DGKB: variants seen among roughly 807,000 people sequenced by gnomAD.
The protein encoded by DGKB is diacylglycerol kinase beta, also known as 90 kDa diacylglycerol kinase.
A neutral mutation model predicts 114.3 loss-of-function variants in DGKB; 67 were observed. The ratio of observed to expected loss-of-function variants is 0.59; its 90% CI spans 0.48 to 0.72. The LOEUF (loss-of-function observed/expected upper bound fraction) is 0.72. Ranked by LOEUF, DGKB falls within the 30% of genes least tolerant of loss-of-function variation. DGKB has a pLI of 0.00. For synonymous variants in DGKB, 398 were observed against 323.1 expected, an observed-to-expected ratio of 1.23 and a Z score of -2.49; for missense variants, 907 against 975.2, an observed-to-expected ratio of 0.93 and a Z score of 0.93.
At chr7:14,748,391 T>A (rs1833666099) in intron 4 of DGKB, among the ~76,000 whole-genome samples, 1 of 152,226 alleles carries the variant, frequency 6.6e-6, no homozygotes, top group African/African-American at 2.4e-5. Context: ...GAGAAGCTAT[T>A]CTTTGAGTAA....
intron 1 of DGKB, among the ~76,000 whole-genome samples, chr7:14,899,892 T>C (rs1227961983): frequency 6.6e-6 from 1 of 152,110 alleles, no homozygotes. Flanking sequence ...CAGTTAAGAA[T>C]TAGAGTTAGT....
At chr7:14,853,892 AAT>A (rs1044095279) in intron 1 of DGKB, among the ~76,000 whole-genome samples, 3 of 142,310 alleles carry the variant, frequency 2.1e-5, no homozygotes, top group African/African-American at 5.7e-5. Context: ...AAAAAAAAAA[AAT>A]TTATCATAAA....
chr7:14,836,929 A>G (rs1470305584), intron 2 of DGKB, among the ~76,000 whole-genome samples: 1 of 152,206 alleles, frequency 6.6e-6, no homozygotes, highest in Non-Finnish European at 1.5e-5. Flanking sequence ...GCTCTTTTCT[A>G]CTTGATCATC....
intron 23 of DGKB, among the ~76,000 whole-genome samples, chr7:14,250,498 T>C (rs1166186841): frequency 2.0e-5 from 3 of 152,194 alleles, no homozygotes; most frequent in Non-Finnish European, 4.4e-5. Flanking sequence ...TTTCATGCCA[T>C]TTCGGTCAGA....
chr7:14,725,767 C>G (rs1586008126), intron 5 of DGKB, among the ~76,000 whole-genome samples: 2 of 152,052 alleles, frequency 1.3e-5, no homozygotes. Context: ...AGGCTGGTCT[C>G]AAACTCCCGA....
intron 23 of DGKB, among the ~76,000 whole-genome samples, chr7:14,255,571 T>G (rs1795843569): frequency 6.6e-6 from 1 of 152,132 alleles, no homozygotes; most frequent in Admixed American, 6.6e-5. Context: ...AAAGTAAGAA[T>G]AAATAACAAG....
chr7:14,520,321 T>C (rs1325091014), intron 20 of DGKB, among the ~76,000 whole-genome samples: 2 of 151,130 alleles, frequency 1.3e-5, no homozygotes, highest in African/African-American at 2.4e-5. Flanking sequence ...TTTTCAACTT[T>C]ATATTTCATT....
chr7:14,204,073 T>TCA (rs1786356619), intron 23 of DGKB, among the ~76,000 whole-genome samples: 1 of 152,014 alleles, frequency 6.6e-6, no homozygotes, highest in Admixed American at 6.6e-5. Context: ...GAAATGGCAC[T>TCA]CACTGACAAG....
chr7:14,252,559 C>A lies in DGKB; in HGVS notation c.2123-74408G>T, dbSNP rs187547416. Among the ~76,000 whole-genome samples the A allele has an allele frequency of 1.0e-3, 152 of 152,220 alleles. 1 individual carries two copies. The highest frequency in any genetic ancestry group is 1.6e-3 in the Non-Finnish European group (109 of 68,030). ...AATACTCCAACAGGCTGGCTTGGTG[C>A]CTGGGTCAGTGGGTAAACATTGCTG... is the stretch of plus-strand genomic sequence containing the variant. On this transcript the variant is annotated intron_variant, in intron 23 of 25. Transcript: ENST00000402815.
At position 14,487,583 on chromosome 7, in the gene DGKB, C is replaced by CTTT. The variant is rs11433526; in HGVS notation, c.1771-9361_1771-9359dup. 5.3e-3 allele frequency among the ~76,000 whole-genome samples: 662 copies of CTTT among 125,884 alleles called. 8 individuals are homozygous for CTTT. The highest frequency in any genetic ancestry group is 0.013 in the Middle Eastern group (3 of 226). The allele number at this position is 125,884 out of a possible 152,430, so 82.6% of individuals were successfully genotyped here. ...AAAGTCAAAGTTCTTAAGAAAATTC[C>CTTT]TTTTTTTTTTTTTTTTTTGGAGACA... is the stretch of plus-strand genomic sequence containing the variant. On this transcript the variant is annotated intron_variant, in intron 20 of 25. Transcript: ENST00000402815.
intron 20 of DGKB, among the ~76,000 whole-genome samples, chr7:14,488,957 G>A (rs942797529): frequency 7.9e-5 from 12 of 151,910 alleles, no homozygotes; most frequent in African/African-American, 2.2e-4. Context: ...ATTGTAAAGA[G>A]CATACAATCA....
chr7:14,520,109 A>G (rs973794286), intron 20 of DGKB, among the ~76,000 whole-genome samples: 31 of 151,570 alleles, frequency 2.0e-4, no homozygotes, highest in African/African-American at 7.0e-4. Flanking sequence ...GTCTAAAGAC[A>G]CCCCGCCTAA....
intron 2 of DGKB, among the ~76,000 whole-genome samples, chr7:14,800,345 C>G (rs530713400): frequency 2.0e-5 from 3 of 152,276 alleles, no homozygotes; most frequent in African/African-American, 7.2e-5. Context: ...AGGGTGTTGA[C>G]AAAAGAAATT....
At chr7:14,883,731 C>T (rs1854594485) in intron 1 of DGKB, among the ~76,000 whole-genome samples, 1 of 151,944 alleles carries the variant, frequency 6.6e-6, no homozygotes, top group African/African-American at 2.4e-5. Context: ...GCATTTTGCA[C>T]ACATAAGTGG....
intron 13 of DGKB, among the ~76,000 whole-genome samples, chr7:14,635,372 A>G (rs1405366217): frequency 1.1e-5 from 1 of 94,824 alleles, no homozygotes; most frequent in Non-Finnish European, 2.1e-5. Flanking sequence ...GAAATTATGG[A>G]GGAGGGTAGA....
At chr7:14,561,681 CT>C (rs543940532) in intron 20 of DGKB, among the ~76,000 whole-genome samples, 114 of 152,274 alleles carry the variant, frequency 7.5e-4, no homozygotes, top group African/African-American at 2.6e-3. Context: ...CATTTTGCCC[CT>C]GCCCTAGAGA....
intron 4 of DGKB, among the ~76,000 whole-genome samples, chr7:14,749,678 C>A (rs1833844157): frequency 6.6e-6 from 1 of 152,060 alleles, no homozygotes; most frequent in Non-Finnish European, 1.5e-5. Flanking sequence ...TCTTGTCACA[C>A]CAAACATTTT....
rs535519800 is a variant in DGKB at position 14,457,420 on chromosome 7, A to T, written c.1835+20741T>A. 2.6e-5 allele frequency among the ~76,000 whole-genome samples: 4 copies of T among 152,272 alleles called. No individual in the cohort carries two copies. In the South Asian group the frequency reaches 6.2e-4, roughly 24 times the overall value. ...GATTTGTTAAAATGCTCTTAAAGTA[A>T]ATATAGTATTGCTTGCATTTTGGAA... is the stretch of plus-strand genomic sequence containing the variant. On this transcript the variant is annotated intron_variant, in intron 21 of 25. Transcript: ENST00000402815.
intron 25 of DGKB, among the ~76,000 whole-genome samples, chr7:14,169,925 G>A (rs1350018009): frequency 2.0e-5 from 3 of 151,668 alleles, no homozygotes; most frequent in Admixed American, 6.6e-5. Flanking sequence ...ACCTGAGGTT[G>A]GGAGTTCAAG....
Sources: gnomAD v4.1 joint callset for allele counts (sites outside exome capture counted in the v4.1 genomes callset) on GRCh38, gnomAD v4.1.1 for gene constraint, MANE v1.5 for transcripts, NCBI Gene and HGNC (gene_info 2026-07-23, HGNC 2026-07-21) for gene names.